ABCA13: variants seen among roughly 807,000 people sequenced by gnomAD.
ABCA13 encodes the protein ATP binding cassette subfamily A member 13, also known as ATP-binding cassette sub-family A member 13.
Under a neutral mutation model 478.7 loss-of-function variants are expected in ABCA13, and 476 were observed. The observed-to-expected ratio is 0.99, with a 90% CI of 0.92 to 1.07. The LOEUF (loss-of-function observed/expected upper bound fraction) is 1.07. Ranked by LOEUF, ABCA13 falls within the 50% of genes least tolerant of loss-of-function variation. The pLI is 0.00. For missense variants in ABCA13, 6,060 were observed against 5,910.6 expected, an observed-to-expected ratio of 1.03 and a Z score of -0.83; for synonymous variants, 2,252 against 2,158.9, an observed-to-expected ratio of 1.04 and a Z score of -1.20.
chr7:48,257,627 C>G (rs1793590814), intron 15 of ABCA13, among the ~76,000 whole-genome samples: 1 of 152,092 alleles, frequency 6.6e-6, no homozygotes, highest in Non-Finnish European at 1.5e-5. Flanking sequence ...TATGTTGGAC[C>G]AAACTTTCAA....
intron 29 of ABCA13, among the ~76,000 whole-genome samples, chr7:48,341,082 G>A (rs562416126): frequency 2.6e-5 from 4 of 152,296 alleles, no homozygotes; most frequent in South Asian, 4.1e-4. Context: ...CATTTTAGTA[G>A]TTATAAAACA....
chr7:48,566,124 G>A (rs1787034489), intron 55 of ABCA13, among the ~76,000 whole-genome samples: 1 of 152,134 alleles, frequency 6.6e-6, no homozygotes, highest in Non-Finnish European at 1.5e-5. Context: ...TTTACAGACT[G>A]CTGATAATAT....
Position 48,474,765 on chromosome 7 carries a change from A to T in ABCA13, c.12975+3166A>T, listed in dbSNP as rs575058694. ...ACTCATGAGATCTCTGATTTTTTAC[A>T]CCACGCTCTTATTCTCTAGCCTTGA... On this transcript the variant is annotated intron_variant, in intron 45 of 61. Transcript: ENST00000435803. 3.9e-5 allele frequency among the ~76,000 whole-genome samples: 6 copies of T among 152,220 alleles called. No homozygotes were observed. In the East Asian group the frequency reaches 9.7e-4, roughly 25 times the overall value.
At chr7:48,499,212 C>T (rs17132402) in intron 48 of ABCA13, among the ~76,000 whole-genome samples, 20,909 of 152,030 alleles carry the variant, frequency 0.14, 1,844 homozygotes, top group African/African-American at 0.23. Flanking sequence ...GTCATCAAAA[C>T]GCCTTGTAGT....
intron 4 of ABCA13, among the ~76,000 whole-genome samples, chr7:48,219,899 C>CAT (rs904820857): frequency 6.8e-6 from 1 of 146,958 alleles, no homozygotes; most frequent in Non-Finnish European, 1.5e-5. Context: ...CACACACACA[C>CAT]ACACACACAC....
intron 35 of ABCA13, among the ~76,000 whole-genome samples, chr7:48,385,297 C>T (rs1815011773): frequency 6.6e-6 from 1 of 152,164 alleles, no homozygotes; most frequent in African/African-American, 2.4e-5. Context: ...TTCTCTCACC[C>T]TTCACCCTCC....
chr7:48,544,596 C>T (rs1331887187), intron 55 of ABCA13, among the ~76,000 whole-genome samples: 1 of 151,802 alleles, frequency 6.6e-6, no homozygotes, highest in Non-Finnish European at 1.5e-5. Flanking sequence ...GAGGGTGGTT[C>T]CCAGAGAGGG....
At chr7:48,232,220 G>A in intron 7 of ABCA13, among the ~76,000 whole-genome samples, 1 of 127,902 alleles carries the variant, frequency 7.8e-6, no homozygotes, top group Non-Finnish European at 1.6e-5. Flanking sequence ...TTCAGGTTAG[G>A]TTAGTTCCAC....
chr7:48,281,311 T>A (rs1796997587), intron 18 of ABCA13, 32 bp from the exon 19 acceptor site: 1 of 1,549,992 alleles, frequency 6.5e-7, no homozygotes, highest in East Asian at 2.4e-5. Flanking sequence ...ATTTTTACCC[T>A]TTTATGTCAT....
chr7:48,352,442 C>A lies in ABCA13; in HGVS notation c.10643C>A (p.Ala3548Glu). ...ACTGGGCAGGAAGCCCTGGAACCAG[C>A]AGCACAGACTCAGGCGGCCCCTTAC... ...VQTGQEALEP[A>E]AQTQAAPYPC... The change falls in exon 31 of 62, where the codon GCA becomes GAA. Residue 3548 changes from alanine (A) to glutamate (E), a missense_variant. Around this residue, in one of 3 missense-constraint regions of ABCA13, gnomAD observed 4,423 missense variants for 4,309.1 expected, o/e 1.03. Coordinates refer to ENST00000435803, the MANE Select transcript of ABCA13 (RefSeq NM_152701.5). The A allele has an allele frequency of 9.3e-6, 15 of 1,612,702 alleles. No homozygotes were observed. Among genetic ancestry groups the A allele is most frequent in the Non-Finnish European group, 1.3e-5 (15 of 1,179,398 alleles).
intron 15 of ABCA13, among the ~76,000 whole-genome samples, chr7:48,262,159 C>T (rs990234778): frequency 6.6e-6 from 1 of 151,908 alleles, no homozygotes; most frequent in Non-Finnish European, 1.5e-5. Flanking sequence ...TTAAATTAAT[C>T]CCCACTATTT....
chr7:48,219,656 G>A (rs1392964258), intron 4 of ABCA13, among the ~76,000 whole-genome samples, 151 bp downstream of exon 4: 1 of 152,110 alleles, frequency 6.6e-6, no homozygotes, highest in Non-Finnish European at 1.5e-5. Flanking sequence ...GCCAGCACCT[G>A]CAGACGGTTG....
At chr7:48,477,594 C>T (rs912147093) in intron 45 of ABCA13, among the ~76,000 whole-genome samples, 1 of 151,980 alleles carries the variant, frequency 6.6e-6, no homozygotes, top group Admixed American at 6.6e-5. Flanking sequence ...TTTGTAGGGA[C>T]ATGGATGAAA....
intron 3 of ABCA13, among the ~76,000 whole-genome samples, chr7:48,212,595 A>C (rs1281957644): frequency 6.6e-6 from 1 of 152,110 alleles, no homozygotes; most frequent in Non-Finnish European, 1.5e-5. Context: ...TCTTGCTAAC[A>C]CTTATTATGT....
In ABCA13 at chr7:48,270,933, T is replaced by C. The variant is rs531537601; in HGVS notation, c.2121-854T>C. Among the ~76,000 whole-genome samples the C allele has an allele frequency of 2.8e-4, 42 of 152,342 alleles. No individual in the cohort carries two copies. In the South Asian group the frequency reaches 8.7e-3, roughly 32 times the overall value. On this transcript the variant is annotated intron_variant, in intron 16 of 61. Transcript: ENST00000435803. ...CATCACAACTCATTCAGCAAAGATT[T>C]ATCATGAACTGATGTGAAGCAGTTT... is the stretch of plus-strand genomic sequence containing the variant.
chr7:48,272,734 G>T lies in ABCA13; in HGVS notation c.3068G>T (p.Gly1023Val). Residue 1023 changes from glycine to valine, a missense_variant, in exon 17 of 62, where the codon GGA becomes GTA. Transcript: ENST00000435803. ...FLFKTAEVLG[G>V]ISNVSYCQQL... ...TTTAAGACAGCAGAGGTTCTTGGGG[G>T]AATTTCTAATGTATCTTACTGTCAG... is the stretch of plus-strand genomic sequence containing the variant. 1 of 1,610,096 alleles carries T rather than the reference G, an allele frequency of 6.2e-7. No individual in the cohort carries two copies. The highest frequency in any genetic ancestry group is 8.5e-7 in the Non-Finnish European group (1 of 1,177,634).
intron 38 of ABCA13, among the ~76,000 whole-genome samples, chr7:48,400,998 A>G (rs1460897767): frequency 6.6e-6 from 1 of 152,252 alleles, no homozygotes; most frequent in Non-Finnish European, 1.5e-5. Flanking sequence ...TAACAGGTAC[A>G]TATGATACGT....
At chr7:48,369,494 T>G (rs558377809) in intron 32 of ABCA13, among the ~76,000 whole-genome samples, 1 of 152,242 alleles carries the variant, frequency 6.6e-6, no homozygotes, top group South Asian at 2.1e-4. Flanking sequence ...GTTTTTCTGA[T>G]GTTATTTTTC....
At chr7:48,300,757 A>G (rs1401422420) in intron 23 of ABCA13, among the ~76,000 whole-genome samples, 2 of 152,106 alleles carry the variant, frequency 1.3e-5, no homozygotes, top group East Asian at 3.9e-4. Context: ...GCAGAGCTCT[A>G]TTCTCTAATA....
Sources: gnomAD v4.1 joint callset for allele counts (sites outside exome capture counted in the v4.1 genomes callset) on GRCh38, gnomAD v4.1.1 for gene constraint, gnomAD v4.1.1 regional missense constraint, MANE v1.5 for transcripts, NCBI Gene and HGNC (gene_info 2026-07-23, HGNC 2026-07-21) for gene names.